DALRD3: variants seen among roughly 807,000 people sequenced by gnomAD.
DALRD3 encodes the protein DALR anticodon binding domain containing 3.
Under a neutral mutation model 56.7 loss-of-function variants are expected in DALRD3, and 47 were observed. The observed-to-expected ratio is 0.83, with a 90% CI of 0.66 to 1.06. DALRD3 has a LOEUF of 1.06. DALRD3 is among the 50% of genes least tolerant of loss of function. The pLI is 0.00. For synonymous variants in DALRD3, 347 were observed against 308.5 expected, an observed-to-expected ratio of 1.12 and a Z score of -1.31; for missense variants, 787 against 724.0, an observed-to-expected ratio of 1.09 and a Z score of -1.00.
chr3:49,018,529 C>CA lies in DALRD3; in HGVS notation c.35dup (p.Ala14GlyfsTer40). On this transcript the variant is annotated frameshift_variant, in exon 1 of 12. Coordinates refer to ENST00000341949, the MANE Select transcript of DALRD3 (RefSeq NM_001009996.3). LOFTEE classifies it high-confidence loss of function. ...GCCCCAGGGCCGCGTTGAGGGCCCC[C>CA]AGCGTCTCCCCGACCCCAAGGCGCC... is the stretch of plus-strand genomic sequence containing the variant. 1 of 1,583,344 alleles carries CA rather than the reference C, an allele frequency of 6.3e-7. No individual in the cohort carries two copies. The highest frequency in any genetic ancestry group is 8.6e-7 in the Non-Finnish European group (1 of 1,164,792).
At chr3:49,018,925 AT>A (rs1559908710), upstream of DALRD3, 5 of 985,410 alleles carry the variant, frequency 5.1e-6, no homozygotes, top group Non-Finnish European at 6.0e-6. Flanking sequence ...CATTTCTCCC[AT>A]TTTACACATG....
chr3:49,015,919 C>A, intron 10 of DALRD3, 47 bp from the exon 11 acceptor site: 2 of 1,614,134 alleles, frequency 1.2e-6, no homozygotes, highest in Non-Finnish European at 1.7e-6. Flanking sequence ...GCTCTTGTGC[C>A]CCAGGCCAGA....
chr3:49,018,528 C>G lies in DALRD3; in HGVS notation c.37G>C (p.Gly13Arg), dbSNP rs1210147026. 5.1e-6 allele frequency: 8 copies of G among 1,583,066 alleles called. No homozygotes were observed. The highest frequency in any genetic ancestry group is 6.9e-6 in the Non-Finnish European group (8 of 1,164,734). ...GGCCCCAGGGCCGCGTTGAGGGCCC[C>G]CAGCGTCTCCCCGACCCCAAGGCGC... ...TRRLGVGETLGALNAALGPGG... is the reference protein window; with the variant it reads ...TRRLGVGETLRALNAALGPGG... The change falls in exon 1 of 12, where the codon GGG (glycine) becomes CGG (arginine). Residue 13 changes from glycine to arginine, a missense_variant. Physicochemically the swap from Gly to Arg is moderately radical, Grantham distance 125. Transcript: ENST00000341949.
Position 49,015,524 on chromosome 3 carries a change from G to A in DALRD3, c.*64C>T. On this transcript the variant is annotated 3_prime_UTR_variant, in exon 12 of 12. Transcript: ENST00000341949. ...CAGTACCAATTTATTTTGGCCGTGG[G>A]TTTTTGCTTTTTTTCCAGTTGATGA... 6.2e-7 allele frequency: 1 copy of A among 1,601,214 alleles called. No homozygotes were observed. The highest frequency in any genetic ancestry group is 8.5e-7 in the Non-Finnish European group (1 of 1,172,292).
chr3:49,016,081 C>T lies in DALRD3; in HGVS notation c.1335G>A (p.Glu445=). 1.2e-6 allele frequency: 2 copies of T among 1,603,582 alleles called. No individual in the cohort carries two copies. The highest frequency in any genetic ancestry group is 1.7e-5 in the Admixed American group (1 of 59,702). Residue 445 remains glutamate (E), a synonymous_variant, in exon 10 of 12, where the codon GAG becomes GAA. Transcript: ENST00000341949. ...LDFSLLHDEG[E]WLLLFNSILP... Reference sequence around the variant, plus strand: ...GGATACTGTTGAAGAGCAACAACCACTCACCCTGTTGGGGAGAAAGGTGCT... The same window carrying T: ...GGATACTGTTGAAGAGCAACAACCATTCACCCTGTTGGGGAGAAAGGTGCT...
chr3:49,016,430 T>C lies in DALRD3; in HGVS notation c.1145A>G (p.Gln382Arg), dbSNP rs766002402. Residue 382 changes from glutamine (Q) to arginine (R), a missense_variant and splice_region_variant, in exon 8 of 12, where the codon CAG becomes CGG. By Grantham distance (43) the Gln-to-Arg change is conservative (BLOSUM62 1). Transcript: ENST00000341949. Reference protein sequence around the residue: ...FEMLSTAPQSQLFLALADSSI... With the variant: ...FEMLSTAPQSRLFLALADSSI... ...GCCCTGTCAGGCTCCCAGGCTCACCTGACTCTGTGGGGCTGTGCTCAGCAT... is the reference window on the plus strand; with the variant it reads ...GCCCTGTCAGGCTCCCAGGCTCACCCGACTCTGTGGGGCTGTGCTCAGCAT... 3 of 1,613,258 alleles carry C rather than the reference T, an allele frequency of 1.9e-6. No homozygotes were observed. Among genetic ancestry groups the C allele is most frequent in the East Asian group, 4.5e-5 (2 of 44,874 alleles).
rs2093109856 is a variant in DALRD3, at chr3:49,017,960, C to T, written c.461+63G>A. ...CAGCCGCAGTCCCCACGGGCGGCGC[C>T]GCTCGCTTTCTAGGTACCCGGCAGT... On this transcript the variant is annotated intron_variant, in intron 2 of 11. Coordinates refer to ENST00000341949, the MANE Select transcript of DALRD3 (RefSeq NM_001009996.3). The T allele has an allele frequency of 2.0e-6, 3 of 1,500,322 alleles. No individual in the cohort carries two copies. The Admixed American group carries it at 6.3e-5, about 32-fold the overall frequency. The allele number at this position is 1,500,322 out of a possible 1,614,324, so 92.9% of individuals were successfully genotyped here. A position where few individuals can be genotyped will look rare whatever the true frequency, so the allele number is the denominator to read the frequency against.
chr3:49,015,666 C>T lies in DALRD3; in HGVS notation c.1554G>A (p.Leu518=). 3.1e-6 allele frequency: 5 copies of T among 1,614,126 alleles called. No individual in the cohort carries two copies. Among genetic ancestry groups the T allele is most frequent in the Non-Finnish European group, 4.2e-6 (5 of 1,180,030 alleles). ...PHLFGQMFVR[L]QLLRAVREVL... Reference sequence around the variant, plus strand: ...CCTCACGCACAGCTCTCAGAAGCTGCAGGCGGACGAACATCTGACCAAAGA... The same window carrying T: ...CCTCACGCACAGCTCTCAGAAGCTGTAGGCGGACGAACATCTGACCAAAGA... The change falls in exon 12 of 12, where the codon CTG becomes CTA. Residue 518 remains leucine (L), a synonymous_variant. Coordinates refer to ENST00000341949, the MANE Select transcript of DALRD3 (RefSeq NM_001009996.3).
In DALRD3 at chr3:49,018,435, G is replaced by A. The variant is rs775637845; in HGVS notation, c.130C>T (p.His44Tyr). 1.0e-5 allele frequency: 16 copies of A among 1,585,160 alleles called. 1 individual carries two copies. In the Middle Eastern group the frequency reaches 5.0e-4, roughly 50 times the overall value. The change falls in exon 1 of 12, where the codon CAC becomes TAC. Residue 44 changes from histidine (H) to tyrosine (Y), a missense_variant. Coordinates refer to ENST00000341949, the MANE Select transcript of DALRD3 (RefSeq NM_001009996.3). ...TCGAAGCGCGCCTGCAGCGCGCGGT[G>A]CGGTGCCAGAAAGTCTCGGGAACGC... Reference protein sequence around the residue: ...HLRSRDFLAPHRALQARFDDG... With the variant: ...HLRSRDFLAPYRALQARFDDG...
At chr3:49,016,894 AG>A (rs2093085862) in intron 5 of DALRD3, 47 bp from the exon 6 acceptor site, 2 of 1,610,866 alleles carry the variant, frequency 1.2e-6, no homozygotes, top group South Asian at 1.1e-5. Context: ...GCTACTCTCC[AG>A]GAAGTCCCTT....
In DALRD3 at chr3:49,018,218, A is replaced by C; in HGVS notation, c.266T>G (p.Leu89Arg). 1 of 1,443,150 alleles carries C rather than the reference A, an allele frequency of 6.9e-7. No individual in the cohort carries two copies. The highest frequency in any genetic ancestry group is 9.0e-7 in the Non-Finnish European group (1 of 1,107,982). 89.4% of individuals were successfully genotyped at this position (1,443,150 alleles called of 1,614,324 possible). A position where few individuals can be genotyped will look rare whatever the true frequency, so the allele number is the denominator to read the frequency against. Residue 89 changes from leucine (L) to arginine (R), a missense_variant, in exon 2 of 12, where the codon CTG becomes CGG. Physicochemically the swap from Leu to Arg is moderately radical, Grantham distance 102. Transcript: ENST00000341949. Reference sequence around the variant, plus strand: ...GCGCTCGAAGACGGCGGACCGCTGCAGTTGGAGAGACAGACCCGCGGGGGT... The same window carrying C: ...GCGCTCGAAGACGGCGGACCGCTGCCGTTGGAGAGACAGACCCGCGGGGGT... ...APTPAGLSLQ[L>R]QRSAVFERVL...
intron 5 of DALRD3, 65 bp from the exon 6 acceptor site, chr3:49,016,912 C>A: frequency 6.3e-7 from 1 of 1,581,654 alleles, no homozygotes; most frequent in South Asian, 1.1e-5. Flanking sequence ...CCTTGAGGAG[C>A]CCAAATCTGG....
In DALRD3 at chr3:49,017,650, G is replaced by A. The variant is rs757445839; in HGVS notation, c.681C>T (p.Arg227=). 1.4e-5 allele frequency: 23 copies of A among 1,614,072 alleles called. No individual in the cohort carries two copies. Among genetic ancestry groups the A allele is most frequent in the Non-Finnish European group, 1.9e-5 (22 of 1,180,050 alleles). Residue 227 remains arginine, a synonymous_variant, in exon 3 of 12, where the codon CGC becomes CGT. Coordinates refer to ENST00000341949, the MANE Select transcript of DALRD3 (RefSeq NM_001009996.3). The part of the protein sequence containing the change: ...CLKELVEEQG[R]TAGYDPNLDN... ...CCAGGTTGGGGTCATAGCCAGCTGT[G>A]CGGCCCTGTTCTTCCACCAGCTCCT...
chr3:49,020,931 G>C (rs1318824570), upstream of DALRD3: 2 of 207,242 alleles, frequency 9.7e-6, no homozygotes, highest in African/African-American at 2.3e-5. Context: ...GGCAGGATTA[G>C]CCCTGTTGGT....
At position 49,015,707 on chromosome 3, in the gene DALRD3, C is replaced by T. The variant is rs1204744000; in HGVS notation, c.1513G>A (p.Glu505Lys). ...TGACCAAAGAGGTGTGGTCGAGGCT[C>T]CTGAAAGAGAAAGGGCCTGCTGGTC... is the stretch of plus-strand genomic sequence containing the variant. ...SYYNRVHILG[E>K]PRPHLFGQMF... Residue 505 changes from glutamate (E) to lysine (K), a missense_variant and splice_region_variant, in exon 12 of 12, where the codon GAG (glutamate) becomes AAG (lysine). Physicochemically the swap from Glu to Lys is moderately conservative, Grantham distance 56. Transcript: ENST00000341949. 12 of 1,613,934 alleles carry T rather than the reference C, an allele frequency of 7.4e-6. No individual in the cohort carries two copies. Among genetic ancestry groups the T allele is most frequent in the Non-Finnish European group, 1.0e-5 (12 of 1,180,024 alleles).
chr3:49,017,990 C>T, intron 2 of DALRD3, 33 bp downstream of exon 2: 2 of 1,479,512 alleles, frequency 1.4e-6, no homozygotes, highest in Non-Finnish European at 1.8e-6. Flanking sequence ...GGCAGTCCCA[C>T]TTTCTCCATT....
upstream of DALRD3, chr3:49,018,794 A>G: frequency 1.0e-6 from 1 of 985,424 alleles, no homozygotes; most frequent in Non-Finnish European, 1.2e-6. Context: ...CCCTGGGCCT[A>G]GGGTTCTTTC....
In DALRD3 at chr3:49,017,801, A is replaced by T. The variant is rs2093106342; in HGVS notation, c.530T>A (p.Val177Glu). 1 of 1,612,906 alleles carries T rather than the reference A, an allele frequency of 6.2e-7. No homozygotes were observed. Among genetic ancestry groups the T allele is most frequent in the Non-Finnish European group, 8.5e-7 (1 of 1,179,966 alleles). The change falls in exon 3 of 12, where the codon GTG becomes GAG. Residue 177 changes from valine (V) to glutamate (E), a missense_variant. By Grantham distance (121) the Val-to-Glu change is moderately radical. Transcript: ENST00000341949. ...HMLTFLQQLRVDWPAASERAS... is the reference protein window; with the variant it reads ...HMLTFLQQLREDWPAASERAS... ...TCTCTCCGAGGCAGCGGGCCAGTCCACCCGCAGTTGCTGCAGGAAGGTCAG... is the reference window on the plus strand; with the variant it reads ...TCTCTCCGAGGCAGCGGGCCAGTCCTCCCGCAGTTGCTGCAGGAAGGTCAG...
chr3:49,017,313 T>A lies in DALRD3; in HGVS notation c.842A>T (p.His281Leu), dbSNP rs1441998641. 1.9e-6 allele frequency: 3 copies of A among 1,614,176 alleles called. No individual in the cohort carries two copies. The highest frequency in any genetic ancestry group is 2.2e-5 in the East Asian group (1 of 44,884). Reference protein sequence around the residue: ...DTGTGGCLVVHVVSCEEEFQQ... With the variant: ...DTGTGGCLVVLVVSCEEEFQQ... The stretch of plus-strand genomic sequence containing the variant: ...GAACTCCTCCTCACAGCTAACAACA[T>A]GTACAACCAGGCAGCCGCCTGTACC... Residue 281 changes from histidine (H) to leucine (L), a missense_variant, in exon 5 of 12, where the codon CAT (histidine) becomes CTT (leucine). Transcript: ENST00000341949.
Sources: gnomAD v4.1 joint callset for allele counts on GRCh38, gnomAD v4.1.1 for gene constraint, MANE v1.5 for transcripts, NCBI Gene and HGNC (gene_info 2026-07-23, HGNC 2026-07-21) for gene names.